NUBPL: variants seen among roughly 807,000 people sequenced by gnomAD.
NUBPL encodes the protein iron-sulfur cluster transfer protein NUBPL.
A neutral mutation model predicts 45.7 loss-of-function variants in NUBPL; 31 were observed. The ratio of observed to expected loss-of-function variants is 0.68; its 90% CI spans 0.51 to 0.92. The LOEUF is 0.92. Among genes scored for constraint, NUBPL ranks in the 40% least tolerant of loss-of-function variants. NUBPL has a pLI of 0.00. For synonymous variants in NUBPL, 144 were observed against 140.9 expected (o/e 1.02, Z -0.15); for missense variants, 401 against 398.7 (o/e 1.01, Z -0.05).
intron 6 of NUBPL, among the ~76,000 whole-genome samples, chr14:31,770,165 C>G (rs374956125): frequency 7.2e-5 from 11 of 152,102 alleles, no homozygotes; most frequent in African/African-American, 2.7e-4. Flanking sequence ...CCAGACAGAG[C>G]TGATGTATCT....
intron 6 of NUBPL, among the ~76,000 whole-genome samples, chr14:31,766,957 C>G (rs879552172): frequency 2.8e-4 from 43 of 151,608 alleles, no homozygotes; most frequent in African/African-American, 9.0e-4. Flanking sequence ...GAGAATAGTT[C>G]TTAAAAAAGG....
chr14:31,846,479 C>T lies in NUBPL; in HGVS notation c.702C>T (p.Gly234=). The stretch of plus-strand genomic sequence containing the variant: ...GTGTGTTTTTATTCTAGGTCCTTGG[C>T]CTTGTCCAAAACATGAGTGTTTTCC... ...MFRRVHVPVL[G]LVQNMSVFQC... is the part of the protein sequence containing the mutation. Residue 234 remains glycine, a synonymous_variant, in exon 9 of 11, where the codon GGC becomes GGT. Coordinates refer to ENST00000281081, the MANE Select transcript of NUBPL (RefSeq NM_025152.3). The T allele has an allele frequency of 1.2e-6, 2 of 1,611,376 alleles. No individual in the cohort carries two copies. Among genetic ancestry groups the T allele is most frequent in the Non-Finnish European group, 1.7e-6 (2 of 1,178,438 alleles).
At chr14:31,627,290 C>A (rs1047884803) in intron 4 of NUBPL, among the ~76,000 whole-genome samples, 3 of 151,988 alleles carry the variant, frequency 2.0e-5, no homozygotes, top group African/African-American at 7.3e-5. Flanking sequence ...TTAAAGTTCA[C>A]AAGAAGGCAT....
chr14:31,567,339 G>A (rs775314215), intron 3 of NUBPL, among the ~76,000 whole-genome samples: 1 of 152,198 alleles, frequency 6.6e-6, no homozygotes, highest in Non-Finnish European at 1.5e-5. Flanking sequence ...TGGCCCTGCA[G>A]TATCAAGCTT....
At chr14:31,749,442 A>G (rs2038473311) in intron 6 of NUBPL, among the ~76,000 whole-genome samples, 1 of 152,108 alleles carries the variant, frequency 6.6e-6, no homozygotes, top group Admixed American at 6.6e-5. Context: ...ACTTTATTTC[A>G]TCTTCATTTC....
intron 4 of NUBPL, among the ~76,000 whole-genome samples, chr14:31,668,502 G>A (rs34747628): frequency 0.31 from 46,444 of 152,088 alleles, 7,763 homozygotes; most frequent in South Asian, 0.41. Flanking sequence ...GGGCTCTGTA[G>A]GGGTGGGACT....
At chr14:31,663,598 A>G (rs970707876) in intron 4 of NUBPL, among the ~76,000 whole-genome samples, 1 of 152,048 alleles carries the variant, frequency 6.6e-6, no homozygotes, top group African/African-American at 2.4e-5. Flanking sequence ...ATTGGTCCAT[A>G]TATCTGTTTT....
chr14:31,565,777 A>G (rs2033420414), intron 3 of NUBPL, among the ~76,000 whole-genome samples: 1 of 152,044 alleles, frequency 6.6e-6, no homozygotes, highest in Non-Finnish European at 1.5e-5. Flanking sequence ...TAGGAGTAAA[A>G]CTACTAGGTC....
At chr14:31,858,756 A>C (rs990284652) in intron 10 of NUBPL, among the ~76,000 whole-genome samples, 1 of 152,182 alleles carries the variant, frequency 6.6e-6, no homozygotes, top group African/African-American at 2.4e-5. Context: ...TATGCTAAAG[A>C]AGTTTTGGCA....
intron 7 of NUBPL, among the ~76,000 whole-genome samples, chr14:31,789,104 A>G (rs2039334136): frequency 6.6e-6 from 1 of 152,108 alleles, no homozygotes. Context: ...AGGTGGGTGG[A>G]TCATGAGGTC....
chr14:31,703,872 C>CTTA (rs1566511264), intron 6 of NUBPL, among the ~76,000 whole-genome samples: 1 of 152,194 alleles, frequency 6.6e-6, no homozygotes, highest in African/African-American at 2.4e-5. Flanking sequence ...AACACTTTAA[C>CTTA]AGCTGTGGAT....
intron 6 of NUBPL, among the ~76,000 whole-genome samples, chr14:31,712,177 G>A (rs1426819519): frequency 1.3e-5 from 2 of 152,194 alleles, no homozygotes; most frequent in African/African-American, 4.8e-5. Context: ...AGAGCTGATT[G>A]GTCCGTTTTG....
chr14:31,674,019 A>G (rs2036635262), intron 6 of NUBPL, among the ~76,000 whole-genome samples: 1 of 152,236 alleles, frequency 6.6e-6, no homozygotes, highest in Admixed American at 6.5e-5. Flanking sequence ...TTTTGTTTTG[A>G]GTATATATGG....
At chr14:31,669,212 A>G (rs934170905) in intron 4 of NUBPL, among the ~76,000 whole-genome samples, 3 of 152,126 alleles carry the variant, frequency 2.0e-5, no homozygotes, top group African/African-American at 7.2e-5. Flanking sequence ...ATGGGACACA[A>G]TTTGATGTGT....
chr14:31,578,084 A>G (rs989639963), intron 3 of NUBPL: 1 of 739,000 alleles, frequency 1.4e-6, no homozygotes, highest in Non-Finnish European at 2.1e-6. Context: ...TGAATGCATT[A>G]CTGGGTTTTC....
chr14:31,730,463 CTT>C (rs1219334725), intron 6 of NUBPL, among the ~76,000 whole-genome samples: 42 of 137,782 alleles, frequency 3.0e-4, no homozygotes, highest in Admixed American at 3.0e-4. Context: ...ATCAAGTAAT[CTT>C]TTTTTTTTTT....
chr14:31,701,055 G>A (rs1204835942), intron 6 of NUBPL, among the ~76,000 whole-genome samples: 1 of 152,254 alleles, frequency 6.6e-6, no homozygotes, highest in East Asian at 1.9e-4. Flanking sequence ...TCTAGCTGGA[G>A]GATTGTATGT....
At chr14:31,787,927 C>A in intron 7 of NUBPL, 54 bp downstream of exon 7, 1 of 1,241,444 alleles carries the variant, frequency 8.1e-7, no homozygotes, top group Non-Finnish European at 1.2e-6. Flanking sequence ...GTTGTTATTG[C>A]TATACCAAAA....
In NUBPL at chr14:31,860,605, G is replaced by A. The variant is rs2040698152; in HGVS notation, c.*1425G>A. The A allele has an allele frequency of 2.0e-5, 3 of 152,138 alleles. No homozygotes were observed. The highest frequency in any genetic ancestry group is 6.5e-5 in the Admixed American group (1 of 15,280). 9.4% of individuals were successfully genotyped at this position (152,138 alleles called of 1,614,324 possible). A position where few individuals can be genotyped will look rare whatever the true frequency, so the allele number is the denominator to read the frequency against. ...GTCTGTCACTTTTGGCAAATGTCTT[G>A]ACATCTGTTGCTCTACAGTTGTCAA... On this transcript the variant is annotated 3_prime_UTR_variant, in exon 11 of 11. Transcript: ENST00000281081.
Sources: allele counts gnomAD v4.1 joint callset (sites outside exome capture counted in the v4.1 genomes callset), GRCh38; gene constraint gnomAD v4.1.1; transcripts MANE v1.5; gene names NCBI Gene and HGNC (gene_info 2026-07-23, HGNC 2026-07-21).